The following STT3B variants were observed in gnomAD, a reference collection of about 807,000 sequenced individuals.
STT3B encodes the protein dolichyl-diphosphooligosaccharide--protein glycosyltransferase subunit STT3B.
In STT3B, 29 loss-of-function variants were observed where a neutral mutation model predicts 96.8. That is an observed-to-expected ratio of 0.30 (90% confidence interval 0.22 to 0.41). The LOEUF (loss-of-function observed/expected upper bound fraction) is 0.41, where lower values mean the gene tolerates loss of function less well. Among genes scored for constraint, STT3B ranks in the 10% least tolerant of loss-of-function variants. The probability of loss-of-function intolerance (pLI) is 1.00; values close to 1 mark genes in which losing one functional copy is unlikely to be tolerated. For missense variants in STT3B, 640 were observed against 1,022.3 expected (o/e 0.63, Z 5.10); for synonymous variants, 367 against 360.0 (o/e 1.02, Z -0.22).
intron 3 of STT3B, among the ~76,000 whole-genome samples, chr3:31,594,209 C>T (rs767060969): frequency 2.0e-5 from 3 of 152,118 alleles, no homozygotes; most frequent in Non-Finnish European, 2.9e-5. Flanking sequence ...AAATATTTGG[C>T]GATTTCTCCC....
chr3:31,628,941 C>CA (rs1699594275), intron 13 of STT3B, among the ~76,000 whole-genome samples: 1 of 151,956 alleles, frequency 6.6e-6, no homozygotes, highest in South Asian at 2.1e-4. Flanking sequence ...CCTGTCTCTA[C>CA]AAAAAAATGC....
intron 1 of STT3B, among the ~76,000 whole-genome samples, chr3:31,557,074 T>G (rs937010940): frequency 5.9e-5 from 9 of 152,114 alleles, no homozygotes; most frequent in Admixed American, 3.9e-4. Context: ...GGGAGAGAGA[T>G]AGAGGTCCAG....
At chr3:31,536,422 T>G (rs1697100500) in intron 1 of STT3B, among the ~76,000 whole-genome samples, 1 of 152,250 alleles carries the variant, frequency 6.6e-6, no homozygotes, top group Non-Finnish European at 1.5e-5. Flanking sequence ...TCTGGCCTGC[T>G]CATACCTTCC....
intron 3 of STT3B, among the ~76,000 whole-genome samples, chr3:31,582,258 T>C (rs1698422806): frequency 6.6e-6 from 1 of 151,794 alleles, no homozygotes; most frequent in African/African-American, 2.4e-5. Flanking sequence ...CAATTTTGTC[T>C]TTCTGGAAGC....
intron 5 of STT3B, among the ~76,000 whole-genome samples, chr3:31,613,814 G>A (rs1422165528): frequency 6.6e-6 from 1 of 152,076 alleles, no homozygotes; most frequent in East Asian, 1.9e-4. Context: ...TTGGGTTTGG[G>A]TACGTCATAG....
chr3:31,541,358 T>G (rs1019835606), intron 1 of STT3B, among the ~76,000 whole-genome samples: 1 of 152,172 alleles, frequency 6.6e-6, no homozygotes, highest in African/African-American at 2.4e-5. Context: ...CCTTCCTTTT[T>G]CTCATAGGTG....
At chr3:31,609,464 A>G (rs1407443536) in intron 5 of STT3B, among the ~76,000 whole-genome samples, 1 of 152,230 alleles carries the variant, frequency 6.6e-6, no homozygotes, top group Non-Finnish European at 1.5e-5. Context: ...TTCATTAAAC[A>G]TTGCCAGAAT....
intron 8 of STT3B, among the ~76,000 whole-genome samples, chr3:31,618,620 C>T (rs987105651): frequency 6.6e-6 from 1 of 151,918 alleles, no homozygotes; most frequent in Non-Finnish European, 1.5e-5. Context: ...TGTCTTGTTA[C>T]TCCCCAGGTG....
At chr3:31,553,050 C>T (rs1296226284) in intron 1 of STT3B, among the ~76,000 whole-genome samples, 6 of 145,964 alleles carry the variant, frequency 4.1e-5, no homozygotes, top group African/African-American at 1.0e-4. Flanking sequence ...TGCAGTGAGT[C>T]GAGATCGCGC....
chr3:31,545,394 A>G (rs192406607), intron 1 of STT3B, among the ~76,000 whole-genome samples: 13 of 152,358 alleles, frequency 8.5e-5, no homozygotes, highest in Non-Finnish European at 2.9e-5. Context: ...TGAAAAGAGT[A>G]TGTAACATTA....
chr3:31,600,505 TATTC>T, intron 5 of STT3B, 46 bp downstream of exon 5: 1 of 860,418 alleles, frequency 1.2e-6, no homozygotes, highest in South Asian at 1.6e-5. Context: ...AGATGTTTTG[TATTC>T]ATTCATTTTA....
intron 1 of STT3B, among the ~76,000 whole-genome samples, chr3:31,540,248 A>T (rs541522139): frequency 7.9e-5 from 12 of 152,236 alleles, no homozygotes; most frequent in South Asian, 2.1e-4. Context: ...GGAATTATTT[A>T]AAAAAATTGT....
At chr3:31,546,482 G>T (rs1468651201) in intron 1 of STT3B, among the ~76,000 whole-genome samples, 5 of 152,182 alleles carry the variant, frequency 3.3e-5, no homozygotes, top group Admixed American at 3.3e-4. Context: ...TTCAAAGGGG[G>T]AGAAAGCTGC....
intron 5 of STT3B, among the ~76,000 whole-genome samples, chr3:31,613,645 T>C (rs951485470): frequency 8.8e-5 from 12 of 136,232 alleles, no homozygotes; most frequent in African/African-American, 3.3e-4. Context: ...TTAATTTTCT[T>C]TATACTTTAG....
Position 31,622,188 on chromosome 3 carries a change from A to G in STT3B, c.1419A>G (p.Ala473=), listed in dbSNP as rs763454701. ...CTCCAGTCGTGTGTATGCTGTCTGC[A>G]ATTGCCTTTTCAAATGTTTTTGAGC... ...TLTPVVCMLS[A]IAFSNVFEHY... Residue 473 remains alanine (A), a synonymous_variant, in exon 10 of 16, where the codon GCA becomes GCG. Coordinates refer to ENST00000295770, the MANE Select transcript of STT3B (RefSeq NM_178862.3). The G allele has an allele frequency of 8.1e-6, 13 of 1,614,004 alleles. No individual in the cohort carries two copies. The highest frequency in any genetic ancestry group is 3.3e-5 in the Admixed American group (2 of 60,000).
intron 3 of STT3B, among the ~76,000 whole-genome samples, chr3:31,584,680 T>A (rs965945247): frequency 1.1e-4 from 16 of 152,150 alleles, no homozygotes; most frequent in African/African-American, 3.6e-4. Context: ...CTAGTGAGTT[T>A]TTCCTTTGTT....
intron 1 of STT3B, among the ~76,000 whole-genome samples, chr3:31,542,720 T>A (rs1697310232): frequency 6.6e-6 from 1 of 152,176 alleles, no homozygotes; most frequent in Non-Finnish European, 1.5e-5. Context: ...TCTAGTGTAT[T>A]TCTTGTAGAA....
intron 3 of STT3B, among the ~76,000 whole-genome samples, chr3:31,586,521 T>A (rs891722122): frequency 9.9e-5 from 15 of 152,072 alleles, no homozygotes; most frequent in Admixed American, 2.6e-4. Context: ...ATTAAATAGT[T>A]TTAGGTTTAA....
At chr3:31,634,634 G>T (rs1575451729) in intron 15 of STT3B, among the ~76,000 whole-genome samples, 2 of 152,136 alleles carry the variant, frequency 1.3e-5, no homozygotes, top group African/African-American at 2.4e-5. Context: ...CATTCTGAGA[G>T]TTTACCAGCC....
Sources: gnomAD v4.1 joint callset for allele counts (sites outside exome capture counted in the v4.1 genomes callset) on GRCh38, gnomAD v4.1.1 for gene constraint, MANE v1.5 for transcripts, NCBI Gene and HGNC (gene_info 2026-07-23, HGNC 2026-07-21) for gene names.